Variants in OTUD7A observed in about 807,000 individuals in gnomAD.
OTUD7A encodes OTU deubiquitinase 7A, also known as OTU domain-containing protein 7A.
Under a neutral mutation model 65.7 loss-of-function variants are expected in OTUD7A, and 12 were observed. That is an observed-to-expected ratio of 0.18 (90% confidence interval 0.12 to 0.30). The LOEUF (loss-of-function observed/expected upper bound fraction) is 0.30. OTUD7A is among the 10% of genes least tolerant of loss of function. OTUD7A has a pLI of 1.00. For missense variants in OTUD7A, 1,148 were observed against 1,304.8 expected (o/e 0.88, Z 1.85); for synonymous variants, 641 against 586.3 (o/e 1.09, Z -1.35).
intron 3 of OTUD7A, among the ~76,000 whole-genome samples, chr15:31,598,318 G>T (rs1296328384): frequency 6.6e-6 from 1 of 152,162 alleles, no homozygotes. Context: ...ATCTCATTGG[G>T]ACTGGTTGGA....
chr15:31,834,159 A>G (rs376385985), intron 1 of OTUD7A, among the ~76,000 whole-genome samples: 10 of 152,364 alleles, frequency 6.6e-5, no homozygotes, highest in Admixed American at 2.6e-4. Context: ...AAGTGCTAAC[A>G]AGAGTCACAG....
chr15:31,684,186 T>G (rs886094121), intron 1 of OTUD7A, among the ~76,000 whole-genome samples: 1 of 152,140 alleles, frequency 6.6e-6, no homozygotes, highest in Non-Finnish European at 1.5e-5. Flanking sequence ...AGGATGCAAT[T>G]ACAGTTGCAG....
intron 1 of OTUD7A, among the ~76,000 whole-genome samples, chr15:31,729,320 G>A (rs1893978178): frequency 6.6e-6 from 1 of 152,146 alleles, no homozygotes; most frequent in African/African-American, 2.4e-5. Flanking sequence ...CCCTGTGGAT[G>A]AGCAAAAAAA....
chr15:31,852,994 G>A (rs1034428736), intron 1 of OTUD7A, among the ~76,000 whole-genome samples: 4 of 152,158 alleles, frequency 2.6e-5, no homozygotes, highest in South Asian at 2.1e-4. Context: ...GGGGACAGAC[G>A]TCCAGGGTGG....
intron 3 of OTUD7A, among the ~76,000 whole-genome samples, chr15:31,613,936 T>C (rs144894162): frequency 1.3e-5 from 2 of 152,260 alleles, no homozygotes; most frequent in Non-Finnish European, 2.9e-5. Flanking sequence ...GTGGTGTATA[T>C]ATATATGTAT....
intron 8 of OTUD7A, among the ~76,000 whole-genome samples, chr15:31,510,247 T>C (rs2041664611): frequency 6.6e-6 from 1 of 152,150 alleles, no homozygotes; most frequent in African/African-American, 2.4e-5. Context: ...TCGTAAGAGT[T>C]AGGTCCTTTC....
chr15:31,622,561 A>C (rs1890823484), intron 3 of OTUD7A, among the ~76,000 whole-genome samples: 1 of 152,154 alleles, frequency 6.6e-6, no homozygotes, highest in Non-Finnish European at 1.5e-5. Flanking sequence ...GGAATTGGCT[A>C]CTGAAGCTTG....
chr15:31,495,788 G>A (rs1009293853), intron 10 of OTUD7A, among the ~76,000 whole-genome samples: 10 of 152,108 alleles, frequency 6.6e-5, no homozygotes, highest in Admixed American at 3.9e-4. Context: ...CTTGCTGGCC[G>A]GGCGTAGTGG....
chr15:31,602,404 C>A (rs190234426), intron 3 of OTUD7A, among the ~76,000 whole-genome samples: 111 of 152,176 alleles, frequency 7.3e-4, no homozygotes, highest in African/African-American at 2.3e-3. Context: ...AAATTCAACA[C>A]CCCTTCATGG....
chr15:31,730,894 A>C (rs1293831851), intron 1 of OTUD7A, among the ~76,000 whole-genome samples: 1 of 152,254 alleles, frequency 6.6e-6, no homozygotes, highest in Non-Finnish European at 1.5e-5. Context: ...GTTCAAACTC[A>C]GGTACTGCAT....
chr15:31,577,249 G>A (rs1211538972), intron 3 of OTUD7A, among the ~76,000 whole-genome samples: 1 of 152,144 alleles, frequency 6.6e-6, no homozygotes, highest in African/African-American at 2.4e-5. Context: ...AGTCTGACAC[G>A]TTGTAAGGTC....
intron 9 of OTUD7A, among the ~76,000 whole-genome samples, 189 bp from the exon 10 acceptor site, chr15:31,502,028 C>T (rs1048578818): frequency 6.6e-6 from 1 of 152,154 alleles, no homozygotes; most frequent in Non-Finnish European, 1.5e-5. Flanking sequence ...TGCCCCAGGA[C>T]TCCTGCTGCC....
intron 1 of OTUD7A, among the ~76,000 whole-genome samples, chr15:31,697,694 G>A (rs527720545): frequency 4.2e-4 from 64 of 152,284 alleles, no homozygotes; most frequent in Non-Finnish European, 7.3e-4. Flanking sequence ...CAACAACCCC[G>A]CGCTGCAGGG....
intron 5 of OTUD7A, among the ~76,000 whole-genome samples, chr15:31,534,375 C>G (rs1371355313): frequency 1.3e-5 from 2 of 151,988 alleles, no homozygotes; most frequent in African/African-American, 2.4e-5. Context: ...TAAAAATTCC[C>G]ATAAAACTAG....
intron 1 of OTUD7A, among the ~76,000 whole-genome samples, chr15:31,660,913 A>C (rs1188901365): frequency 6.6e-6 from 1 of 152,210 alleles, no homozygotes; most frequent in African/African-American, 2.4e-5. Flanking sequence ...GGGACACACC[A>C]CTTGTACCTG....
At chr15:31,514,173 C>T (rs2041808062) in intron 8 of OTUD7A, among the ~76,000 whole-genome samples, 1 of 151,638 alleles carries the variant, frequency 6.6e-6, no homozygotes, top group Admixed American at 6.6e-5. Context: ...CCCATTCTGA[C>T]CTCCCAAGTA....
chr15:31,745,305 A>G (rs541532361), intron 1 of OTUD7A, among the ~76,000 whole-genome samples: 1 of 152,304 alleles, frequency 6.6e-6, no homozygotes, highest in East Asian at 1.9e-4. Context: ...ATAAAGCTAC[A>G]GTAATCAAGA....
chr15:31,747,173 G>C (rs972217394), intron 1 of OTUD7A, among the ~76,000 whole-genome samples: 2 of 152,112 alleles, frequency 1.3e-5, no homozygotes, highest in Admixed American at 6.6e-5. Context: ...CTTACTACTG[G>C]TAAAAGGAGT....
At chr15:31,717,890 T>A (rs964053053) in intron 1 of OTUD7A, among the ~76,000 whole-genome samples, 3 of 152,228 alleles carry the variant, frequency 2.0e-5, no homozygotes, top group African/African-American at 7.2e-5. Context: ...CTCCAAATCC[T>A]CTCCAGCGTC....
Sources: gnomAD v4.1 joint callset for allele counts (sites outside exome capture counted in the v4.1 genomes callset) on GRCh38, gnomAD v4.1.1 for gene constraint, MANE v1.5 for transcripts, NCBI Gene and HGNC (gene_info 2026-07-23, HGNC 2026-07-21) for gene names.